Variants in MARK3 observed in about 807,000 individuals in gnomAD.
MARK3 encodes the protein microtubule affinity regulating kinase 3, also known as MAP/microtubule affinity-regulating kinase 3.
In MARK3, 46 loss-of-function variants were observed where a neutral mutation model predicts 90.1. The observed-to-expected ratio is 0.51, with a 90% CI of 0.40 to 0.65. The LOEUF (loss-of-function observed/expected upper bound fraction) is 0.65, where lower values mean the gene tolerates loss of function less well. Ranked by LOEUF, MARK3 falls within the 30% of genes least tolerant of loss-of-function variation. The pLI is 0.00. For missense variants in MARK3, 818 were observed against 947.2 expected (o/e 0.86, Z 1.79); for synonymous variants, 321 against 332.6 (o/e 0.97, Z 0.38).
intron 15 of MARK3, among the ~76,000 whole-genome samples, chr14:103,496,232 G>A (rs1048137547): frequency 1.3e-5 from 2 of 152,164 alleles, no homozygotes. Context: ...AGGAGGAAAA[G>A]TTAAGAAAAG....
intron 1 of MARK3, among the ~76,000 whole-genome samples, chr14:103,395,318 C>T (rs1302940945): frequency 1.3e-5 from 2 of 151,608 alleles, no homozygotes; most frequent in Admixed American, 1.3e-4. Flanking sequence ...ATTCACTCGG[C>T]TGTGCCTCAT....
intron 3 of MARK3, among the ~76,000 whole-genome samples, chr14:103,430,366 C>T (rs369361507): frequency 1.5e-5 from 2 of 130,056 alleles, no homozygotes; most frequent in East Asian, 5.1e-4. Context: ...TTATCCCCAG[C>T]CCCCCCATCT....
At chr14:103,455,181 G>T (rs1269315833) in intron 5 of MARK3, among the ~76,000 whole-genome samples, 1 of 152,092 alleles carries the variant, frequency 6.6e-6, no homozygotes, top group Non-Finnish European at 1.5e-5. Context: ...GATTTTATCT[G>T]TGTTACTCTA....
At chr14:103,462,155 A>G (rs1566886658) in intron 6 of MARK3, among the ~76,000 whole-genome samples, 1 of 152,154 alleles carries the variant, frequency 6.6e-6, no homozygotes, top group East Asian at 1.9e-4. Flanking sequence ...GTCAACGGAT[A>G]GGGTCCAAAA....
chr14:103,465,465 T>C (rs1217522896), intron 7 of MARK3, 92 bp from the exon 8 acceptor site: 5 of 842,330 alleles, frequency 5.9e-6, no homozygotes, highest in Non-Finnish European at 9.9e-6. Flanking sequence ...CTTCATATCA[T>C]TACAGAAAGC....
chr14:103,410,352 G>T (rs2091557581), intron 2 of MARK3, among the ~76,000 whole-genome samples: 1 of 152,246 alleles, frequency 6.6e-6, no homozygotes, highest in South Asian at 2.1e-4. Context: ...CCTCTCCAGG[G>T]CCCCATGCCT....
intron 3 of MARK3, among the ~76,000 whole-genome samples, chr14:103,440,657 G>C (rs1181087056): frequency 6.6e-6 from 1 of 152,074 alleles, no homozygotes; most frequent in Admixed American, 6.6e-5. Context: ...ATTTGGCCAG[G>C]CATAGTGGCT....
intron 15 of MARK3, among the ~76,000 whole-genome samples, chr14:103,498,050 CTA>C (rs2142109070): frequency 6.6e-6 from 1 of 152,256 alleles, no homozygotes; most frequent in South Asian, 2.1e-4. Context: ...AACCCTATCT[CTA>C]CTGAAAATAT....
chr14:103,395,192 A>G (rs949478237), intron 1 of MARK3, among the ~76,000 whole-genome samples: 1 of 152,224 alleles, frequency 6.6e-6, no homozygotes, highest in South Asian at 2.1e-4. Context: ...CTGAAGAGGT[A>G]GAATGGACCT....
At chr14:103,415,235 T>C (rs2091895760) in intron 2 of MARK3, among the ~76,000 whole-genome samples, 1 of 148,418 alleles carries the variant, frequency 6.7e-6, no homozygotes, top group Non-Finnish European at 1.5e-5. Context: ...AACAAACATG[T>C]TGGAATAAGA....
At chr14:103,436,842 C>T (rs999881226) in intron 3 of MARK3, among the ~76,000 whole-genome samples, 1 of 152,210 alleles carries the variant, frequency 6.6e-6, no homozygotes, top group Non-Finnish European at 1.5e-5. Flanking sequence ...GTAATCCCAG[C>T]ACTTTGGGAG....
intron 1 of MARK3, among the ~76,000 whole-genome samples, chr14:103,392,984 A>G (rs896011324): frequency 1.4e-5 from 2 of 147,872 alleles, no homozygotes; most frequent in Admixed American, 1.3e-4. Flanking sequence ...TAATTTTTAA[A>G]TTTTATTTTA....
chr14:103,439,380 T>G (rs2092794525), intron 3 of MARK3, among the ~76,000 whole-genome samples: 1 of 151,586 alleles, frequency 6.6e-6, no homozygotes. Flanking sequence ...AGTGTAAAGG[T>G]TTTTTTTGGT....
chr14:103,498,617 T>G, intron 16 of MARK3, 89 bp downstream of exon 16: 1 of 1,221,146 alleles, frequency 8.2e-7, no homozygotes, highest in Non-Finnish European at 1.1e-6. Flanking sequence ...CTGGCCCTGT[T>G]TTTTCCTTAT....
chr14:103,472,798 G>A (rs1414972212), intron 12 of MARK3, among the ~76,000 whole-genome samples: 3 of 152,210 alleles, frequency 2.0e-5, no homozygotes, highest in African/African-American at 7.2e-5. Flanking sequence ...ACGAGGTCAA[G>A]AGATCGAGAC....
chr14:103,412,267 A>G (rs2091687616), intron 2 of MARK3: 1 of 689,092 alleles, frequency 1.5e-6, no homozygotes, highest in South Asian at 1.7e-5. Flanking sequence ...TCACGTGGCC[A>G]ACAGCCACAG....
At chr14:103,485,897 TA>T (rs1294001071) in intron 14 of MARK3, among the ~76,000 whole-genome samples, 1 of 152,086 alleles carries the variant, frequency 6.6e-6, no homozygotes, top group African/African-American at 2.4e-5. Context: ...TTTTTAATTT[TA>T]AAAGATAGTC....
chr14:103,472,425 C>G (rs913634161), intron 12 of MARK3, among the ~76,000 whole-genome samples: 2 of 151,806 alleles, frequency 1.3e-5, no homozygotes, highest in Non-Finnish European at 2.9e-5. Context: ...GGGCGGATCA[C>G]GAGGTCAGGA....
At chr14:103,403,242 A>G (rs2140641878) in intron 1 of MARK3, among the ~76,000 whole-genome samples, 1 of 152,218 alleles carries the variant, frequency 6.6e-6, no homozygotes, top group Non-Finnish European at 1.5e-5. Context: ...CATTGCACAG[A>G]TAGTAAAACC....
Sources: allele counts gnomAD v4.1 joint callset (sites outside exome capture counted in the v4.1 genomes callset), GRCh38; gene constraint gnomAD v4.1.1; transcripts MANE v1.5; gene names NCBI Gene and HGNC (gene_info 2026-07-23, HGNC 2026-07-21).